Variants in DLG2 observed in about 807,000 individuals in gnomAD.
DLG2 encodes disks large homolog 2.
In DLG2, 45 loss-of-function variants were observed where a neutral mutation model predicts 132.5. The ratio of observed to expected loss-of-function variants is 0.34; its 90% confidence interval spans 0.27 to 0.44. The LOEUF (loss-of-function observed/expected upper bound fraction) is 0.44. DLG2 is among the 20% of genes least tolerant of loss of function. The pLI is 1.00. For missense variants in DLG2, 1,045 were observed against 1,196.9 expected (o/e 0.87, Z 1.87); for synonymous variants, 424 against 419.6 (o/e 1.01, Z -0.13).
chr11:83,731,370 G>A (rs2090976972), intron 18 of DLG2, among the ~76,000 whole-genome samples: 1 of 152,174 alleles, frequency 6.6e-6, no homozygotes, highest in Non-Finnish European at 1.5e-5. Context: ...TCCCACTTAT[G>A]AGTGAGAACA....
At chr11:84,090,764 T>C (rs2097078782) in intron 10 of DLG2, among the ~76,000 whole-genome samples, 1 of 152,190 alleles carries the variant, frequency 6.6e-6, no homozygotes, top group South Asian at 2.1e-4. Flanking sequence ...AATTCTATAG[T>C]AGAAATATAT....
chr11:83,714,289 T>C lies in DLG2; in HGVS notation c.1825+72401A>G, dbSNP rs142213142. ...AAAATGTAGGCAAATGCAGAGGAAA[T>C]GGGGAGAAAAGATAAAGAAAAAGAG... On this transcript the variant is annotated intron_variant, in intron 18 of 27. Coordinates refer to ENST00000376104, the MANE Select transcript of DLG2 (RefSeq NM_001142699.3). 5.4e-3 allele frequency among the ~76,000 whole-genome samples: 824 copies of C among 151,364 alleles called. 1 individual carries two copies. The highest frequency in any genetic ancestry group is 9.5e-3 in the Non-Finnish European group (647 of 67,778).
chr11:84,616,470 G>T (rs2099604622), intron 6 of DLG2, among the ~76,000 whole-genome samples: 2 of 152,074 alleles, frequency 1.3e-5, no homozygotes, highest in Non-Finnish European at 2.9e-5. Context: ...ACTAATAGTT[G>T]CATGACCGTA....
rs530555335 is a variant in DLG2, at chr11:84,335,207, AAAGGAATGAAGGAAGGG to A, written c.520-83933_520-83917del. Among the ~76,000 whole-genome samples, 147 of 149,392 alleles carry A rather than the reference AAAGGAATGAAGGAAGGG, an allele frequency of 9.8e-4. 3 individuals are homozygous for A. The highest frequency in any genetic ancestry group is 2.8e-3 in the African/African-American group (114 of 40,738). ...AAGGAAGGGGAAGGGAAGGGAAAGGAAAGGAATGAAGGAAGGGAAGGAATGAAGGAAGGGAAGGAATG... is the reference window on the plus strand; with the variant it reads ...AAGGAAGGGGAAGGGAAGGGAAAGGAAAGGAATGAAGGAAGGGAAGGAATG... On this transcript the variant is annotated intron_variant, in intron 7 of 27. Coordinates refer to ENST00000376104, the MANE Select transcript of DLG2 (RefSeq NM_001142699.3).
chr11:85,490,475 A>G (rs1298726630), intron 3 of DLG2, among the ~76,000 whole-genome samples: 1 of 152,008 alleles, frequency 6.6e-6, no homozygotes, highest in Non-Finnish European at 1.5e-5. Context: ...ATGACAAAAA[A>G]ATCTTAATAA....
chr11:85,419,360 T>C (rs550385785), intron 3 of DLG2, among the ~76,000 whole-genome samples: 3 of 152,352 alleles, frequency 2.0e-5, no homozygotes, highest in South Asian at 2.1e-4. Flanking sequence ...TTAATCTTTT[T>C]TACCTTCATT....
At chr11:85,546,375 G>A (rs558374944) in intron 3 of DLG2, among the ~76,000 whole-genome samples, 51 of 152,226 alleles carry the variant, frequency 3.4e-4, no homozygotes, top group African/African-American at 1.1e-3. Context: ...TATGATTTCC[G>A]TTCTTTTGCA....
intron 11 of DLG2, among the ~76,000 whole-genome samples, chr11:83,987,069 A>C (rs1260507862): frequency 6.6e-6 from 1 of 151,942 alleles, no homozygotes; most frequent in Non-Finnish European, 1.5e-5. Flanking sequence ...GTTTAATTTG[A>C]TCCCATTTGT....
intron 4 of DLG2, among the ~76,000 whole-genome samples, chr11:85,211,684 G>A (rs2082266046): frequency 6.6e-6 from 1 of 152,060 alleles, no homozygotes. Flanking sequence ...TCTAGCTCAA[G>A]CTTCAAAAAA....
intron 19 of DLG2, among the ~76,000 whole-genome samples, chr11:83,586,587 G>A (rs1207040765): frequency 2.0e-5 from 3 of 152,182 alleles, no homozygotes; most frequent in African/African-American, 4.8e-5. Context: ...TACAGGGTCA[G>A]AACTCAAAAT....
At chr11:85,361,903 T>C (rs745780579) in intron 3 of DLG2, among the ~76,000 whole-genome samples, 6 of 152,216 alleles carry the variant, frequency 3.9e-5, no homozygotes, top group Non-Finnish European at 5.9e-5. Context: ...AGTGTGGTCA[T>C]TTTAAGATAC....
intron 6 of DLG2, among the ~76,000 whole-genome samples, chr11:84,689,637 G>T (rs1484723468): frequency 6.6e-6 from 1 of 151,976 alleles, no homozygotes; most frequent in Non-Finnish European, 1.5e-5. Flanking sequence ...TACTATAGAA[G>T]TTAAAAAGAG....
intron 22 of DLG2, among the ~76,000 whole-genome samples, chr11:83,477,662 G>A (rs2092721798): frequency 6.6e-6 from 1 of 151,948 alleles, no homozygotes; most frequent in African/African-American, 2.4e-5. Flanking sequence ...CAATTATTTA[G>A]CCATTTTGTT....
intron 11 of DLG2, among the ~76,000 whole-genome samples, chr11:84,018,079 T>G (rs913748780): frequency 1.3e-5 from 2 of 152,020 alleles, no homozygotes; most frequent in African/African-American, 4.8e-5. Flanking sequence ...ATCTGTATGT[T>G]AACGTTTTTG....
intron 7 of DLG2, among the ~76,000 whole-genome samples, chr11:84,386,838 T>C (rs2098772590): frequency 6.6e-6 from 1 of 152,132 alleles, no homozygotes; most frequent in African/African-American, 2.4e-5. Flanking sequence ...TTGCATAGTT[T>C]GCTTTGTAGG....
intron 18 of DLG2, chr11:83,725,010 C>T (rs2089714348): frequency 1.5e-6 from 1 of 668,930 alleles, no homozygotes; most frequent in South Asian, 1.6e-5. Flanking sequence ...TGGCCAAAGC[C>T]TGTTAGGAGT....
intron 6 of DLG2, among the ~76,000 whole-genome samples, chr11:84,642,633 T>C (rs1453463103): frequency 6.6e-6 from 1 of 152,060 alleles, no homozygotes; most frequent in African/African-American, 2.4e-5. Flanking sequence ...CCACCATAAA[T>C]GAAGCAGAAG....
intron 14 of DLG2, among the ~76,000 whole-genome samples, chr11:83,949,231 G>C (rs556461288): frequency 6.6e-6 from 1 of 152,232 alleles, no homozygotes; most frequent in Non-Finnish European, 1.5e-5. Flanking sequence ...GATAATATTT[G>C]AAAGGTATCC....
chr11:85,214,115 T>C (rs1031168623), intron 4 of DLG2, among the ~76,000 whole-genome samples: 1 of 152,182 alleles, frequency 6.6e-6, no homozygotes, highest in Admixed American at 6.6e-5. Flanking sequence ...TGCTGTTCAC[T>C]CCTACCATGT....
Sources: gnomAD v4.1 joint callset for allele counts (sites outside exome capture counted in the v4.1 genomes callset) on GRCh38, gnomAD v4.1.1 for gene constraint, MANE v1.5 for transcripts, NCBI Gene and HGNC (gene_info 2026-07-23, HGNC 2026-07-21) for gene names.